The following VOPP1 variants were observed in gnomAD, a reference collection of about 807,000 sequenced individuals.
VOPP1 encodes WW domain binding protein VOPP1.
In VOPP1, 8 loss-of-function variants were observed where a neutral mutation model predicts 23.5. The ratio of observed to expected loss-of-function variants is 0.34; its 90% CI spans 0.20 to 0.61. VOPP1 has a LOEUF of 0.61. Ranked by LOEUF, VOPP1 falls within the 20% of genes least tolerant of loss-of-function variation. VOPP1 has a pLI of 0.78. For missense variants in VOPP1, 174 were observed against 238.1 expected, an observed-to-expected ratio of 0.73 and a Z score of 1.77; for synonymous variants, 83 against 97.3, an observed-to-expected ratio of 0.85 and a Z score of 0.86.
intron 1 of VOPP1, among the ~76,000 whole-genome samples, chr7:55,559,811 G>A (rs985174698): frequency 3.9e-5 from 6 of 152,114 alleles, no homozygotes; most frequent in Non-Finnish European, 5.9e-5. Context: ...TCACTCCACT[G>A]CCCATGTCAG....
At chr7:55,513,278 C>G (rs1431330471) in intron 2 of VOPP1, among the ~76,000 whole-genome samples, 1 of 152,216 alleles carries the variant, frequency 6.6e-6, no homozygotes, top group African/African-American at 2.4e-5. Flanking sequence ...TTGAGTGGTG[C>G]TCTGGAAATT....
intron 4 of VOPP1, among the ~76,000 whole-genome samples, chr7:55,439,338 T>C (rs1338562315): frequency 6.6e-6 from 1 of 152,008 alleles, no homozygotes; most frequent in East Asian, 1.9e-4. Flanking sequence ...CAGAGGCTTC[T>C]GACGCATGAG....
intron 3 of VOPP1, among the ~76,000 whole-genome samples, chr7:55,496,268 C>T (rs932359814): frequency 4.6e-5 from 7 of 151,730 alleles, no homozygotes; most frequent in African/African-American, 1.2e-4. Flanking sequence ...ACACTCCAGA[C>T]GGTCCGCCTC....
chr7:55,566,786 C>T (rs1403217261), intron 1 of VOPP1, among the ~76,000 whole-genome samples: 1 of 152,134 alleles, frequency 6.6e-6, no homozygotes, highest in Admixed American at 6.5e-5. Flanking sequence ...CATCACCATC[C>T]AGTCCAAAAT....
intron 1 of VOPP1, among the ~76,000 whole-genome samples, chr7:55,553,153 C>G (rs1797679723): frequency 6.6e-6 from 1 of 152,232 alleles, no homozygotes; most frequent in African/African-American, 2.4e-5. Context: ...TTAATTATAT[C>G]TCATAATCTC....
rs533771405 is a variant in VOPP1 at position 55,441,047 on chromosome 7, G to A, written n.418-4873C>T. On this transcript the variant is annotated intron_variant and non_coding_transcript_variant, in intron 4 of 4. Transcript: ENST00000462326. ...TCATTTTGTGATTCTATCCTATATG[G>A]AAAGCCTATATTCCATCTTGTCAAA... Among the ~76,000 whole-genome samples, 7 of 152,290 alleles carry A rather than the reference G, an allele frequency of 4.6e-5. No individual in the cohort carries two copies. The East Asian group carries it at 1.2e-3, about 25-fold the overall frequency.
At position 55,439,017 on chromosome 7, in the gene VOPP1, G is replaced by A. The variant is rs138799124; in HGVS notation, n.418-2843C>T. On this transcript the variant is annotated intron_variant and non_coding_transcript_variant, in intron 4 of 4. Transcript: ENST00000462326. ...GCATGCAGGTTGGGCTGGGAGGGCC[G>A]GGCTGAGATGGAACCCGGTTGTACG... Among the ~76,000 whole-genome samples the A allele has an allele frequency of 6.2e-4, 95 of 152,326 alleles. 1 individual carries two copies. In the East Asian group the frequency reaches 9.6e-3, roughly 15 times the overall value.
chr7:55,533,415 C>T (rs1433155258), intron 1 of VOPP1, among the ~76,000 whole-genome samples: 1 of 152,162 alleles, frequency 6.6e-6, no homozygotes, highest in Admixed American at 6.5e-5. Context: ...TTTCTTCTCT[C>T]ATTTAGATTT....
intron 1 of VOPP1, among the ~76,000 whole-genome samples, chr7:55,551,086 C>T (rs1309728216): frequency 1.3e-5 from 2 of 152,156 alleles, no homozygotes; most frequent in Non-Finnish European, 2.9e-5. Flanking sequence ...GGCAAATTAT[C>T]TCCCTGTTAT....
At chr7:55,462,655 A>ATAT (rs1791530602) in intron 4 of VOPP1, among the ~76,000 whole-genome samples, 2 of 122,614 alleles carry the variant, frequency 1.6e-5, no homozygotes, top group African/African-American at 6.1e-5. Flanking sequence ...TCTTGATTAT[A>ATAT]TTTTTTTTTT....
chr7:55,514,236 C>T (rs1227878821), intron 2 of VOPP1, among the ~76,000 whole-genome samples: 1 of 152,236 alleles, frequency 6.6e-6, no homozygotes, highest in Admixed American at 6.5e-5. Flanking sequence ...TCTGCTACAA[C>T]ACACATGCCT....
At chr7:55,538,251 T>C (rs1158018540) in intron 1 of VOPP1, among the ~76,000 whole-genome samples, 1 of 152,186 alleles carries the variant, frequency 6.6e-6, no homozygotes, top group East Asian at 1.9e-4. Flanking sequence ...CACCATCCCT[T>C]ATGCAGTCCG....
chr7:55,469,919 C>T (rs78438195), downstream of VOPP1, among the ~76,000 whole-genome samples: 60 of 152,170 alleles, frequency 3.9e-4, no homozygotes, highest in Non-Finnish European at 8.1e-4. Context: ...AGCACTGTGG[C>T]TCATGCCTGT....
At chr7:55,475,164 G>A (rs190671327) in intron 4 of VOPP1, among the ~76,000 whole-genome samples, 131 of 152,330 alleles carry the variant, frequency 8.6e-4, no homozygotes, top group African/African-American at 3.2e-3. Flanking sequence ...GCGCATATGG[G>A]CAGGGGTAGG....
In VOPP1 at chr7:55,572,446, G is replaced by A. The variant is rs923954002; in HGVS notation, c.-122C>T. 30 of 666,914 alleles carry A rather than the reference G, an allele frequency of 4.5e-5. No homozygotes were observed. In the Admixed American group the frequency reaches 6.0e-4, roughly 13 times the overall value. The allele number at this position is 666,914 out of a possible 1,614,324, so 41.3% of individuals were successfully genotyped here. On this transcript the variant is annotated 5_prime_UTR_variant, in exon 1 of 5. Coordinates refer to ENST00000285279, the MANE Select transcript of VOPP1 (RefSeq NM_030796.5). Reference sequence around the variant, plus strand: ...GGAGCCGTCCCGCCGACCGCTGGGGGGCCCGGCTGGGAGCGGGCGGGAGCC... The same window carrying A: ...GGAGCCGTCCCGCCGACCGCTGGGGAGCCCGGCTGGGAGCGGGCGGGAGCC...
At chr7:55,538,582 A>G (rs1351657514) in intron 1 of VOPP1, 25 of 1,530,492 alleles carry the variant, frequency 1.6e-5, no homozygotes, top group Non-Finnish European at 2.2e-5. Flanking sequence ...ACATGGTTTA[A>G]TAACAAACAT....
At chr7:55,450,738 T>A (rs570996244) in intron 4 of VOPP1, among the ~76,000 whole-genome samples, 25 of 152,318 alleles carry the variant, frequency 1.6e-4, no homozygotes, top group Middle Eastern at 3.4e-3. Flanking sequence ...GATGCAAAAT[T>A]CCTTTCTTCT....
At chr7:55,561,799 G>A (rs574696061) in intron 1 of VOPP1, 57 of 559,866 alleles carry the variant, frequency 1.0e-4, no homozygotes, top group African/African-American at 3.1e-4. Context: ...CTCAGAGCAC[G>A]TGGGAGTAGC....
chr7:55,511,637 T>C (rs1241109055), intron 2 of VOPP1, among the ~76,000 whole-genome samples: 1 of 152,218 alleles, frequency 6.6e-6, no homozygotes. Flanking sequence ...AGATGCATAT[T>C]CTGATTGCCT....
Sources: gnomAD v4.1 joint callset for allele counts (sites outside exome capture counted in the v4.1 genomes callset) on GRCh38, gnomAD v4.1.1 for gene constraint, MANE v1.5 for transcripts, NCBI Gene and HGNC (gene_info 2026-07-23, HGNC 2026-07-21) for gene names.